NPC1: variants seen among roughly 807,000 people sequenced by gnomAD.
The protein encoded by NPC1 is Niemann-Pick C1 protein.
NPC1 carries 85 observed loss-of-function variants against 140.4 expected under a neutral mutation model. The ratio of observed to expected loss-of-function variants is 0.61; its 90% confidence interval spans 0.51 to 0.72. The LOEUF (loss-of-function observed/expected upper bound fraction) is 0.72, where lower values mean the gene tolerates loss of function less well. NPC1 is among the 30% of genes least tolerant of loss of function. The pLI, the probability that NPC1 is intolerant of heterozygous loss-of-function variation, is 0.00. For synonymous variants in NPC1, 656 were observed against 624.8 expected (o/e 1.05, Z -0.74); for missense variants, 1,504 against 1,623.8 (o/e 0.93, Z 1.27).
chr18:23,534,975 T>TA (rs1259202015), intron 22 of NPC1, among the ~76,000 whole-genome samples: 1 of 152,162 alleles, frequency 6.6e-6, no homozygotes, highest in East Asian at 1.9e-4. Context: ...CTTTAATGAT[T>TA]AAAAGTACCT....
chr18:23,557,402 AATAAAGG>A (rs1324270514), intron 6 of NPC1, among the ~76,000 whole-genome samples: 1 of 152,222 alleles, frequency 6.6e-6, no homozygotes, highest in East Asian at 1.9e-4. Flanking sequence ...GAGAACAATT[AATAAAGG>A]ATAATTTCAC....
chr18:23,536,928 G>A (rs2058639800), intron 20 of NPC1, 52 bp from the exon 21 acceptor site: 1 of 1,483,128 alleles, frequency 6.7e-7, no homozygotes, highest in Admixed American at 1.7e-5. Context: ...CAAAATATCA[G>A]CAGAATCTGA....
rs2058763448 is a variant in NPC1, at chr18:23,544,943, A to AACCCCCCCCCCCCCC, written c.1947+16_1947+17insGGGGGGGGGGGGGGT. The AACCCCCCCCCCCCCC allele has an allele frequency of 3.3e-5, 34 of 1,042,262 alleles. No homozygotes were observed. Among genetic ancestry groups the AACCCCCCCCCCCCCC allele is most frequent in the South Asian group, 1.3e-4 (10 of 74,754 alleles). The allele number at this position is 1,042,262 out of a possible 1,614,324, so 64.6% of individuals were successfully genotyped here. A position where few individuals can be genotyped will look rare whatever the true frequency, so the allele number is the denominator to read the frequency against. ...GCTGTTAACCTCTAGAACATACACC[A>AACCCCCCCCCCCCCC]CCCCCCCCCGGCTTACCAGAAGCCT... On this transcript the variant is annotated intron_variant, in intron 12 of 24. Transcript: ENST00000269228.
chr18:23,526,874 G>T, downstream of NPC1: 3 of 1,423,004 alleles, frequency 2.1e-6, no homozygotes, highest in Non-Finnish European at 2.8e-6. Context: ...GTGACCCACA[G>T]CCTCATTCTT....
chr18:23,578,415 C>G (rs974662363), intron 1 of NPC1, among the ~76,000 whole-genome samples: 5 of 152,200 alleles, frequency 3.3e-5, no homozygotes, highest in African/African-American at 1.2e-4. Context: ...CACACCCTCC[C>G]CAAACCCCAC....
chr18:23,542,685 C>T (rs1567953136), intron 14 of NPC1, among the ~76,000 whole-genome samples: 1 of 152,184 alleles, frequency 6.6e-6, no homozygotes, highest in Non-Finnish European at 1.5e-5. Context: ...AGGCTGCTTC[C>T]CCAATGAGTT....
chr18:23,556,064 TCAA>T lies in NPC1; in HGVS notation c.1326+176_1326+178del, dbSNP rs142916225. Among the ~76,000 whole-genome samples, 1,574 of 152,310 alleles carry T rather than the reference TCAA, an allele frequency of 0.01. 30 individuals carry two copies. Among genetic ancestry groups the T allele is most frequent in the African/African-American group, 0.036 (1,515 of 41,562 alleles). On this transcript the variant is annotated intron_variant, in intron 8 of 24. Coordinates refer to ENST00000269228, the MANE Select transcript of NPC1 (RefSeq NM_000271.5). ...AGCAACAATAAATATTCCATTAAGT[TCAA>T]CATCATTCACTTTCTTGAAACCTAA...
rs1163772145 is a variant in NPC1, at chr18:23,543,507, C to T, written c.2193G>A (p.Val731=). Reference sequence around the variant, plus strand: ...AGGATGACAGGAACATACTGGGAGCCACTTCTCCTAGGACCCTGCCCAGCT... The same window carrying T: ...AGGATGACAGGAACATACTGGGAGCTACTTCTCCTAGGACCCTGCCCAGCT... The part of the protein sequence containing the change: ...DQQLGRVLGE[V]APSMFLSSFS... Residue 731 remains valine (V), a synonymous_variant, in exon 14 of 25, where the codon GTG becomes GTA. Coordinates refer to ENST00000269228, the MANE Select transcript of NPC1 (RefSeq NM_000271.5). 8 of 1,612,824 alleles carry T rather than the reference C, an allele frequency of 5.0e-6. No homozygotes were observed. Among genetic ancestry groups the T allele is most frequent in the Non-Finnish European group, 5.1e-6 (6 of 1,179,544 alleles).
chr18:23,551,632 T>C lies in NPC1; in HGVS notation c.1649A>G (p.Tyr550Cys), dbSNP rs758823922. 5 of 1,610,792 alleles carry C rather than the reference T, an allele frequency of 3.1e-6. No individual in the cohort carries two copies. Among genetic ancestry groups the C allele is most frequent in the Admixed American group, 3.3e-5 (2 of 60,004 alleles). ...PVFPWLVLGG[Y>C]DDQNYNNATA... is the part of the protein sequence containing the mutation. Reference sequence around the variant, plus strand: ...TCAAAGCTTCTCTTACTTACCATCATAGCCTCCCAACACAAGCCACGGGAA... The same window carrying C: ...TCAAAGCTTCTCTTACTTACCATCACAGCCTCCCAACACAAGCCACGGGAA... Residue 550 changes from tyrosine to cysteine, a missense_variant, in exon 10 of 25, where the codon TAT becomes TGT. Physicochemically the swap from Tyr to Cys is radical, Grantham distance 194. Transcript: ENST00000269228.
At chr18:23,514,375 C>T (rs927773471) in intron 3 of NPC1, among the ~76,000 whole-genome samples, 6 of 152,034 alleles carry the variant, frequency 3.9e-5, no homozygotes, top group South Asian at 2.1e-4. Context: ...TACTAAGTGC[C>T]GTCTCTACTG....
intron 3 of NPC1, among the ~76,000 whole-genome samples, chr18:23,512,417 T>A (rs2057886456): frequency 6.6e-6 from 1 of 152,044 alleles, no homozygotes; most frequent in Non-Finnish European, 1.5e-5. Flanking sequence ...CCTCTTAAAA[T>A]TTTTTTATTT....
At position 23,554,965 on chromosome 18, in the gene NPC1, G is replaced by A. The variant is rs372289265; in HGVS notation, c.1346C>T (p.Ala449Val). 12 of 1,611,808 alleles carry A rather than the reference G, an allele frequency of 7.4e-6. No individual in the cohort carries two copies. In the African/African-American group the frequency reaches 1.1e-4, roughly 14 times the overall value. ...ATAAGAGGCAGTAATGTTTTCGATG[G>A]CTATTTGTAAGTCAAGAACCTGAAA... ...ILHQVLDLQI[A>V]IENITASYDN... Residue 449 changes from alanine to valine, a missense_variant, in exon 9 of 25, where the codon GCC becomes GTC. Physicochemically the swap from Ala to Val is moderately conservative, Grantham distance 64 (BLOSUM62 0). Coordinates refer to ENST00000269228, the MANE Select transcript of NPC1 (RefSeq NM_000271.5).
chr18:23,525,970 T>C (rs141344730), downstream of NPC1, among the ~76,000 whole-genome samples: 189 of 152,334 alleles, frequency 1.2e-3, no homozygotes, highest in Non-Finnish European at 2.2e-3. Context: ...ATCCACTGTA[T>C]GTATGTAATG....
At position 23,535,684 on chromosome 18, in the gene NPC1, A is replaced by T; in HGVS notation, c.3262T>A (p.Tyr1088Asn). 1 of 1,613,692 alleles carries T rather than the reference A, an allele frequency of 6.2e-7. No individual in the cohort carries two copies. Among genetic ancestry groups the T allele is most frequent in the Non-Finnish European group, 8.5e-7 (1 of 1,179,578 alleles). ...VFPYSVFYVF[Y>N]EQYLTIIDDT... Reference sequence around the variant, plus strand: ...TCAATGATGGTCAGGTACTGTTCGTAGAAGACATAAAACACACTGGAGGGG... The same window carrying T: ...TCAATGATGGTCAGGTACTGTTCGTTGAAGACATAAAACACACTGGAGGGG... Residue 1088 changes from tyrosine to asparagine, a missense_variant, in exon 22 of 25, where the codon TAC (tyrosine) becomes AAC (asparagine). Coordinates refer to ENST00000269228, the MANE Select transcript of NPC1 (RefSeq NM_000271.5).
In NPC1 at chr18:23,543,775, A is replaced by C. The variant is rs575631440; in HGVS notation, c.2131-206T>G. Among the ~76,000 whole-genome samples the C allele has an allele frequency of 2.8e-4, 43 of 152,278 alleles. No individual in the cohort carries two copies. The South Asian group carries it at 8.7e-3, about 31-fold the overall frequency. On this transcript the variant is annotated intron_variant, in intron 13 of 24. Transcript: ENST00000269228. ...GAGCTAGGTACCAAGTGAGAAACTA[A>C]AGGGAAAGCTGAGCCAGCCACATTA...
At chr18:23,535,913 G>A (rs1434003333) in intron 21 of NPC1, among the ~76,000 whole-genome samples, 1 of 151,992 alleles carries the variant, frequency 6.6e-6, no homozygotes, top group Non-Finnish European at 1.5e-5. Flanking sequence ...GATGCAAAAT[G>A]TATATTTTTG....
At chr18:23,510,742 C>G (rs2057832840) in intron 3 of NPC1, among the ~76,000 whole-genome samples, 1 of 152,164 alleles carries the variant, frequency 6.6e-6, no homozygotes, top group Admixed American at 6.5e-5. Context: ...CATCACTGAT[C>G]ATTAGAGAAA....
chr18:23,561,099 A>G (rs1227899745), intron 5 of NPC1, among the ~76,000 whole-genome samples: 1 of 151,952 alleles, frequency 6.6e-6, no homozygotes, highest in Admixed American at 6.6e-5. Flanking sequence ...GCAGCCTTGA[A>G]CTCCTGGACC....
chr18:23,585,670 G>A (rs1035860958), intron 1 of NPC1, among the ~76,000 whole-genome samples: 2 of 152,186 alleles, frequency 1.3e-5, no homozygotes, highest in Non-Finnish European at 1.5e-5. Flanking sequence ...GCAGGACACC[G>A]AGTTCCAGGC....
Sources: gnomAD v4.1 joint callset for allele counts (sites outside exome capture counted in the v4.1 genomes callset) on GRCh38, gnomAD v4.1.1 for gene constraint, MANE v1.5 for transcripts, NCBI Gene and HGNC (gene_info 2026-07-23, HGNC 2026-07-21) for gene names.